SAMHD1: variants seen among roughly 807,000 people sequenced by gnomAD.
SAMHD1 encodes deoxynucleoside triphosphate triphosphohydrolase SAMHD1.
Under a neutral mutation model 79.6 loss-of-function variants are expected in SAMHD1, and 54 were observed. The observed-to-expected ratio is 0.68, with a 90% CI of 0.55 to 0.85. The LOEUF is 0.85. Among genes scored for constraint, SAMHD1 ranks in the 40% least tolerant of loss-of-function variants. The probability of loss-of-function intolerance (pLI) is 0.00; values close to 1 mark genes in which losing one functional copy is unlikely to be tolerated. For synonymous variants in SAMHD1, 260 were observed against 264.1 expected, an observed-to-expected ratio of 0.98 and a Z score of 0.15; for missense variants, 663 against 782.7, an observed-to-expected ratio of 0.85 and a Z score of 1.82.
At chr20:36,928,783 G>A (rs1300041958) in intron 5 of SAMHD1, among the ~76,000 whole-genome samples, 1 of 152,000 alleles carries the variant, frequency 6.6e-6, no homozygotes, top group Non-Finnish European at 1.5e-5. Flanking sequence ...TTGGCCGGGT[G>A]TGGTGGCTCA....
chr20:36,946,516 G>A, intron 2 of SAMHD1: 1 of 477,388 alleles, frequency 2.1e-6, no homozygotes, highest in Non-Finnish European at 3.8e-6. Context: ...GAAGCCGGGA[G>A]GCAGAGGTTG....
At chr20:36,912,353 C>G in intron 10 of SAMHD1, 108 bp downstream of exon 10, 1 of 727,912 alleles carries the variant, frequency 1.4e-6, no homozygotes, top group Non-Finnish European at 2.5e-6. Flanking sequence ...AATTTAATCA[C>G]TTAATATTCA....
At position 36,890,807 on chromosome 20, in the gene SAMHD1, C is replaced by G. The variant is rs1340213965; in HGVS notation, c.*2125G>C. The G allele has an allele frequency of 2.6e-5, 4 of 152,078 alleles. No individual in the cohort carries two copies. The highest frequency in any genetic ancestry group is 9.7e-5 in the African/African-American group (4 of 41,404). 9.4% of individuals were successfully genotyped at this position (152,078 alleles called of 1,614,324 possible). A position where few individuals can be genotyped will look rare whatever the true frequency, so the allele number is the denominator to read the frequency against. ...AAATGTAACCTTGTAAATAGCACAG[C>G]GTTCTCATAATGGAAACAGTTGCAA... On this transcript the variant is annotated 3_prime_UTR_variant, in exon 16 of 16. Transcript: ENST00000646673.
Position 36,919,487 on chromosome 20 carries a change from G to T in SAMHD1, c.729C>A (p.His243Gln), listed in dbSNP as rs1276976455. Reference protein sequence around the residue: ...HEQGSVMMFEHLINSNGIKPV... With the variant: ...HEQGSVMMFEQLINSNGIKPV... ...GCTTAATTCCATTAGAATTAATAAG[G>T]TGCTCAAACATCATAACTGAGCCTT... Residue 243 changes from histidine to glutamine, a missense_variant, in exon 7 of 16, where the codon CAC becomes CAA. Coordinates refer to ENST00000646673, the MANE Select transcript of SAMHD1 (RefSeq NM_015474.4). 6.2e-7 allele frequency: 1 copy of T among 1,613,536 alleles called. No individual in the cohort carries two copies. The highest frequency in any genetic ancestry group is 8.5e-7 in the Non-Finnish European group (1 of 1,179,768).
intron 3 of SAMHD1, chr20:36,940,711 AG>A: frequency 3.1e-5 from 11 of 351,564 alleles, no homozygotes; most frequent in South Asian, 2.9e-4. Context: ...TAAAAAAAAA[AG>A]AATGTACAAA....
chr20:36,924,560 G>A (rs1453760185), intron 6 of SAMHD1, among the ~76,000 whole-genome samples: 1 of 152,102 alleles, frequency 6.6e-6, no homozygotes, highest in Non-Finnish European at 1.5e-5. Context: ...ATATTATGAA[G>A]TACAGGATAT....
At chr20:36,941,859 C>A (rs1429792708) in intron 2 of SAMHD1, among the ~76,000 whole-genome samples, 1 of 152,100 alleles carries the variant, frequency 6.6e-6, no homozygotes, top group Admixed American at 6.6e-5. Flanking sequence ...AGAATAATAT[C>A]TTGGGATACA....
intron 3 of SAMHD1, among the ~76,000 whole-genome samples, chr20:36,936,106 G>A (rs2146138639): frequency 6.6e-6 from 1 of 151,996 alleles, no homozygotes; most frequent in Admixed American, 6.6e-5. Flanking sequence ...AAATGCAGTG[G>A]CGCACATCTG....
At chr20:36,946,697 G>A in intron 2 of SAMHD1, 41 bp downstream of exon 2, 1 of 1,484,092 alleles carries the variant, frequency 6.7e-7, no homozygotes, top group Non-Finnish European at 9.4e-7. Context: ...GATGGATAAA[G>A]TGTGTTTGGT....
chr20:36,898,097 T>C (rs929892224), intron 14 of SAMHD1, 138 bp from the exon 15 acceptor site: 2 of 1,056,826 alleles, frequency 1.9e-6, no homozygotes, highest in Non-Finnish European at 2.9e-6. Flanking sequence ...AGTGGCACAA[T>C]CACAGCTCAC....
downstream of SAMHD1, chr20:36,889,834 T>C (rs1248323612): frequency 2.0e-5 from 3 of 153,244 alleles, no homozygotes; most frequent in African/African-American, 7.2e-5. Context: ...GTTAAAAAAA[T>C]TAAAATTGCC....
chr20:36,916,540 A>G (rs1021615848), intron 9 of SAMHD1, 182 bp downstream of exon 9: 1 of 583,646 alleles, frequency 1.7e-6, no homozygotes, highest in African/African-American at 1.9e-5. Context: ...ATAAATGTCC[A>G]TGTTAATTTT....
intron 3 of SAMHD1, among the ~76,000 whole-genome samples, chr20:36,936,201 C>T (rs2063602439): frequency 6.6e-6 from 1 of 151,862 alleles, no homozygotes; most frequent in South Asian, 2.1e-4. Context: ...TATTGTGCCA[C>T]AACACTTCAG....
At chr20:36,922,735 T>A (rs1052590275) in intron 6 of SAMHD1, among the ~76,000 whole-genome samples, 1 of 152,160 alleles carries the variant, frequency 6.6e-6, no homozygotes, top group African/African-American at 2.4e-5. Context: ...TACGTTGGAG[T>A]GCAGTAGCAC....
chr20:36,927,187 ATT>A lies in SAMHD1; in HGVS notation c.689_690del (p.Lys230MetfsTer4). 1 of 1,613,362 alleles carries A rather than the reference ATT, an allele frequency of 6.2e-7. No homozygotes were observed. Among genetic ancestry groups the A allele is most frequent in the South Asian group, 1.1e-5 (1 of 91,064 alleles). On this transcript the variant is annotated frameshift_variant, in exon 6 of 16. Coordinates refer to ENST00000646673, the MANE Select transcript of SAMHD1 (RefSeq NM_015474.4). LOFTEE classifies it high-confidence loss of function. ...TTGACTGTATGAATACATACCGTCC[ATT>A]TCACCTCCGGGCGAGCAAGTGGAAT... ...RFIPLARPEV[K>X]WTHEQGSVMM...
chr20:36,940,264 A>C (rs2146143776), intron 3 of SAMHD1: 1 of 152,212 alleles, frequency 6.6e-6, no homozygotes, highest in African/African-American at 2.4e-5. Context: ...ATAAAGTTTA[A>C]AAATATGTAA....
At chr20:36,927,336 AG>A in intron 5 of SAMHD1, 84 bp from the exon 6 acceptor site, 1 of 836,478 alleles carries the variant, frequency 1.2e-6, no homozygotes, top group Non-Finnish European at 1.8e-6. Flanking sequence ...TTTTTTTTTG[AG>A]ACGGAGTTTC....
At position 36,935,034 on chromosome 20, in the gene SAMHD1, A is replaced by G; in HGVS notation, c.504T>C (p.Ser168=). The change falls in exon 4 of 16, where the codon AGT becomes AGC. Residue 168 remains serine (S), a synonymous_variant. Transcript: ENST00000646673. ...PGASHNRFEH[S]LGVGYLAGCL... is the part of the protein sequence containing the mutation. ...CCACCCCATTCCCTTCTTACCCTAG[A>G]CTATGCTCAAATCGATTGTGTGAAG... is the stretch of plus-strand genomic sequence containing the variant. 1 of 1,614,008 alleles carries G rather than the reference A, an allele frequency of 6.2e-7. No individual in the cohort carries two copies. The highest frequency in any genetic ancestry group is 1.1e-5 in the South Asian group (1 of 91,076).
At chr20:36,946,563 G>T in intron 2 of SAMHD1, 175 bp downstream of exon 2, 1 of 579,944 alleles carries the variant, frequency 1.7e-6, no homozygotes. Context: ...GTGAACAAGA[G>T]ACTATCTCAA....
Sources: allele counts gnomAD v4.1 joint callset (sites outside exome capture counted in the v4.1 genomes callset), GRCh38; gene constraint gnomAD v4.1.1; transcripts MANE v1.5; gene names NCBI Gene and HGNC (gene_info 2026-07-23, HGNC 2026-07-21).